ATRNL1: variants seen among roughly 807,000 people sequenced by gnomAD.
The protein encoded by ATRNL1 is attractin-like protein 1.
Under a neutral mutation model 182.7 loss-of-function variants are expected in ATRNL1, and 95 were observed. That is an observed-to-expected ratio of 0.52 (90% CI 0.44 to 0.62). ATRNL1 has a LOEUF of 0.62. Ranked by LOEUF, ATRNL1 falls within the 20% of genes least tolerant of loss-of-function variation. ATRNL1 has a pLI of 0.00. For missense variants in ATRNL1, 1,471 were observed against 1,679.5 expected (o/e 0.88, Z 2.17); for synonymous variants, 576 against 568.3 (o/e 1.01, Z -0.19).
At chr10:115,596,495 A>G (rs551668587) in intron 26 of ATRNL1, among the ~76,000 whole-genome samples, 7 of 152,362 alleles carry the variant, frequency 4.6e-5, no homozygotes, top group South Asian at 2.1e-4. Context: ...GGTAAACACA[A>G]TGACATTCAT....
rs1554885404 is a variant in ATRNL1, at chr10:115,171,075, T to C, written c.1131T>C (p.Asn377=). The change falls in exon 8 of 29, where the codon AAT becomes AAC. Residue 377 remains asparagine, a synonymous_variant. Transcript: ENST00000355044. ...TGTATGGAGGCAGAATTGAAACAAA[T>C]GATGGCAATGTCACAGATGAATTAT... is the stretch of plus-strand genomic sequence containing the variant. The part of the protein sequence containing the change: ...IFMYGGRIET[N]DGNVTDELWV... 3.2e-6 allele frequency: 5 copies of C among 1,580,338 alleles called. No individual in the cohort carries two copies. The African/African-American group carries it at 6.7e-5, about 21-fold the overall frequency.
intron 26 of ATRNL1, among the ~76,000 whole-genome samples, chr10:115,641,128 G>A (rs1859219095): frequency 6.6e-6 from 1 of 152,068 alleles, no homozygotes; most frequent in Admixed American, 6.6e-5. Context: ...AATGCAAGCA[G>A]ATAAGAAGCA....
chr10:115,233,202 A>G (rs1300884243), intron 9 of ATRNL1, among the ~76,000 whole-genome samples: 3 of 152,112 alleles, frequency 2.0e-5, no homozygotes, highest in Non-Finnish European at 2.9e-5. Context: ...GATTAGATCT[A>G]TGTGATCTCA....
At chr10:115,480,236 A>AC (rs61154416) in intron 24 of ATRNL1, among the ~76,000 whole-genome samples, 10 of 149,812 alleles carry the variant, frequency 6.7e-5, no homozygotes, top group Admixed American at 2.7e-4. Context: ...ACACACACAC[A>AC]AAACAGAAAA....
intron 28 of ATRNL1, among the ~76,000 whole-genome samples, chr10:115,868,955 G>A (rs868983013): frequency 9.3e-5 from 14 of 149,918 alleles, no homozygotes; most frequent in Non-Finnish European, 2.1e-4. Flanking sequence ...TCAGCCGCCC[G>A]AGTAGCTGGG....
chr10:115,690,536 C>T (rs1946357816), intron 26 of ATRNL1, among the ~76,000 whole-genome samples: 2 of 152,168 alleles, frequency 1.3e-5, no homozygotes, highest in Admixed American at 1.3e-4. Flanking sequence ...GGTCAGGTAC[C>T]AGTCTGTGGC....
In ATRNL1 at chr10:115,560,290, C is replaced by T. The variant is rs1259274571; in HGVS notation, c.3795+10754C>T. On this transcript the variant is annotated intron_variant, in intron 26 of 28. Transcript: ENST00000355044. ...GAGGCTTAATTGACTCTCAGTTCCA[C>T]ATGGCTGGGGAGGCCTCACAATCAT... Among the ~76,000 whole-genome samples the T allele has an allele frequency of 2.0e-5, 3 of 152,130 alleles. No individual in the cohort carries two copies. The East Asian group carries it at 5.8e-4, about 29-fold the overall frequency.
chr10:115,316,640 G>T (rs1854315447), intron 18 of ATRNL1, among the ~76,000 whole-genome samples: 1 of 152,086 alleles, frequency 6.6e-6, no homozygotes, highest in South Asian at 2.1e-4. Flanking sequence ...TTGTGGTTTT[G>T]ATTTGCATTT....
intron 27 of ATRNL1, among the ~76,000 whole-genome samples, chr10:115,771,520 G>A (rs529015586): frequency 2.0e-5 from 3 of 152,130 alleles, no homozygotes; most frequent in South Asian, 2.1e-4. Context: ...GTGAGCCACC[G>A]CGCCCGGCCA....
chr10:115,381,420 C>A (rs1554951027), intron 19 of ATRNL1, among the ~76,000 whole-genome samples: 5 of 59,734 alleles, frequency 8.4e-5, no homozygotes, highest in Admixed American at 6.8e-4. Context: ...GCACATGCCA[C>A]CATACCTGGC....
chr10:115,200,177 G>A (rs868958501), intron 8 of ATRNL1, among the ~76,000 whole-genome samples: 1 of 150,860 alleles, frequency 6.6e-6, no homozygotes, highest in Middle Eastern at 3.2e-3. Context: ...CCAACAATTT[G>A]GAGTTAGCTG....
intron 26 of ATRNL1, among the ~76,000 whole-genome samples, chr10:115,649,167 T>A (rs1859826158): frequency 6.6e-6 from 1 of 152,198 alleles, no homozygotes. Context: ...TTAATTATTG[T>A]GCTTAAGAAA....
intron 8 of ATRNL1, among the ~76,000 whole-genome samples, chr10:115,200,365 T>A (rs36133657): frequency 0.25 from 29,783 of 120,560 alleles, 4,600 homozygotes; most frequent in Non-Finnish European, 0.37. Flanking sequence ...CTCCTAATGC[T>A]ATCCCTCCCC....
chr10:115,929,439 TA>T (rs1430087696), intron 28 of ATRNL1, among the ~76,000 whole-genome samples: 1 of 152,058 alleles, frequency 6.6e-6, no homozygotes, highest in African/African-American at 2.4e-5. Flanking sequence ...TTAAAAGTCA[TA>T]AAAATGGACA....
intron 18 of ATRNL1, among the ~76,000 whole-genome samples, chr10:115,333,679 G>A (rs868912251): frequency 6.6e-6 from 1 of 151,938 alleles, no homozygotes; most frequent in Middle Eastern, 3.4e-3. Flanking sequence ...TAGAGACAGG[G>A]TTTCACCAAG....
intron 9 of ATRNL1, among the ~76,000 whole-genome samples, chr10:115,236,007 G>A (rs782518193): frequency 3.3e-5 from 5 of 152,018 alleles, no homozygotes; most frequent in Non-Finnish European, 7.4e-5. Flanking sequence ...TTTATTTAAT[G>A]TTTTGTAATC....
intron 26 of ATRNL1, among the ~76,000 whole-genome samples, chr10:115,555,851 G>C (rs1422813156): frequency 2.6e-5 from 4 of 151,972 alleles, no homozygotes; most frequent in Non-Finnish European, 5.9e-5. Context: ...GGCAAGTTGA[G>C]AGAACATGAT....
chr10:115,590,900 G>T (rs1030077914), intron 26 of ATRNL1, among the ~76,000 whole-genome samples: 1 of 152,102 alleles, frequency 6.6e-6, no homozygotes, highest in Admixed American at 6.5e-5. Flanking sequence ...CTTTGCTGAG[G>T]TTTTCTGGGA....
chr10:115,676,711 A>G (rs192818158), intron 26 of ATRNL1, among the ~76,000 whole-genome samples: 4 of 152,138 alleles, frequency 2.6e-5, no homozygotes, highest in South Asian at 2.1e-4. Context: ...AAAGGCAAAC[A>G]TAAGTCAGGG....
Sources: allele counts gnomAD v4.1 joint callset (sites outside exome capture counted in the v4.1 genomes callset), GRCh38; gene constraint gnomAD v4.1.1; transcripts MANE v1.5; gene names NCBI Gene and HGNC (gene_info 2026-07-23, HGNC 2026-07-21).